Variants in SLC24A2 observed in about 807,000 individuals in gnomAD.
SLC24A2 encodes sodium/potassium/calcium exchanger 2.
Under a neutral mutation model 62.0 loss-of-function variants are expected in SLC24A2, and 36 were observed. That is an observed-to-expected ratio of 0.58 (90% CI 0.44 to 0.77). The LOEUF is 0.77. Among genes scored for constraint, SLC24A2 ranks in the 30% least tolerant of loss-of-function variants. The pLI is 0.00. For missense variants in SLC24A2, 846 were observed against 817.9 expected (o/e 1.03, Z -0.42); for synonymous variants, 358 against 294.0 (o/e 1.22, Z -2.23).
chr9:19,974,768 G>A, the SLC24A2 span, among the ~76,000 whole-genome samples: 5 of 152,184 alleles, frequency 3.3e-5, no homozygotes, highest in African/African-American at 1.2e-4. Flanking sequence ...AGCTCACAGA[G>A]TTATTTAAGC....
intron 8 of SLC24A2, among the ~76,000 whole-genome samples, chr9:19,545,726 C>T (rs1834532042): frequency 6.6e-6 from 1 of 151,870 alleles, no homozygotes; most frequent in Non-Finnish European, 1.5e-5. Flanking sequence ...GCAAGCTCCA[C>T]CTCCTGGGTT....
intron 8 of SLC24A2, among the ~76,000 whole-genome samples, chr9:19,529,786 G>C (rs868605289): frequency 6.0e-5 from 9 of 149,000 alleles, no homozygotes; most frequent in African/African-American, 2.2e-4. Flanking sequence ...AGTCTCACTC[G>C]GTCACCCAGG....
At chr9:19,575,393 A>C (rs531776510) in intron 6 of SLC24A2, among the ~76,000 whole-genome samples, 124 of 152,338 alleles carry the variant, frequency 8.1e-4, no homozygotes, top group Admixed American at 1.5e-3. Context: ...AACACAAAAT[A>C]CTGGGTAAAA....
the SLC24A2 span, among the ~76,000 whole-genome samples, chr9:20,296,781 C>A: frequency 2.6e-5 from 4 of 152,190 alleles, no homozygotes; most frequent in Non-Finnish European, 4.4e-5. Context: ...TAGTGGTATG[C>A]ATTTATAAAT....
chr9:20,247,729 C>T, the SLC24A2 span, among the ~76,000 whole-genome samples: 2 of 152,170 alleles, frequency 1.3e-5, no homozygotes, highest in Non-Finnish European at 2.9e-5. Flanking sequence ...TTTTCACAAT[C>T]AACTGTTTTC....
chr9:19,779,897 A>G (rs1420004935), intron 2 of SLC24A2, among the ~76,000 whole-genome samples: 1 of 151,464 alleles, frequency 6.6e-6, no homozygotes, highest in Non-Finnish European at 1.5e-5. Flanking sequence ...GTCTCTAGTA[A>G]AAAAAGTACA....
chr9:19,874,450 A>G, the SLC24A2 span, among the ~76,000 whole-genome samples: 159 of 152,284 alleles, frequency 1.0e-3, no homozygotes, highest in Non-Finnish European at 1.3e-3. Flanking sequence ...ATTCAAACAA[A>G]ATTAAAAGTA....
At chr9:19,896,403 T>C in the SLC24A2 span, among the ~76,000 whole-genome samples, 3 of 152,232 alleles carry the variant, frequency 2.0e-5, no homozygotes, top group Admixed American at 1.3e-4. Flanking sequence ...GTACAGTGCT[T>C]GAGCTTTGAA....
At chr9:19,519,222 T>C (rs938973598) in intron 10 of SLC24A2, among the ~76,000 whole-genome samples, 1 of 152,158 alleles carries the variant, frequency 6.6e-6, no homozygotes, top group African/African-American at 2.4e-5. Flanking sequence ...AATAAAAGCC[T>C]TCCAAGTAGA....
At chr9:20,036,377 A>T in the SLC24A2 span, among the ~76,000 whole-genome samples, 1 of 152,216 alleles carries the variant, frequency 6.6e-6, no homozygotes, top group East Asian at 1.9e-4. Flanking sequence ...AATGTACAGT[A>T]CTCAATTATT....
At chr9:20,214,508 G>A in the SLC24A2 span, among the ~76,000 whole-genome samples, 1 of 151,934 alleles carries the variant, frequency 6.6e-6, no homozygotes, top group Non-Finnish European at 1.5e-5. Flanking sequence ...CCAGCTACTC[G>A]GGAGGCTGAG....
At chr9:19,573,597 A>G (rs1246311817) in intron 6 of SLC24A2, 128 bp from the exon 7 acceptor site, 45 of 809,242 alleles carry the variant, frequency 5.6e-5, no homozygotes, top group Non-Finnish European at 2.1e-6. Context: ...TATTGAAAAG[A>G]GTTTCCTAAA....
the SLC24A2 span, among the ~76,000 whole-genome samples, chr9:20,304,257 C>T: frequency 6.6e-6 from 1 of 152,122 alleles, no homozygotes; most frequent in Non-Finnish European, 1.5e-5. Context: ...GCCAACCCAC[C>T]CCCAGCCCCC....
At chr9:19,693,073 GTCTA>G (rs1820087804) in intron 2 of SLC24A2, among the ~76,000 whole-genome samples, 2 of 151,976 alleles carry the variant, frequency 1.3e-5, no homozygotes, top group Non-Finnish European at 2.9e-5. Context: ...GTGTTGGTTT[GTCTA>G]TCTTTTATTT....
At chr9:19,667,139 G>C (rs1819277796) in intron 2 of SLC24A2, among the ~76,000 whole-genome samples, 1 of 152,016 alleles carries the variant, frequency 6.6e-6, no homozygotes, top group Admixed American at 6.6e-5. Flanking sequence ...CACATAAAAA[G>C]AGAAAATAAA....
At chr9:20,064,136 A>C in the SLC24A2 span, among the ~76,000 whole-genome samples, 1 of 152,246 alleles carries the variant, frequency 6.6e-6, no homozygotes, top group Non-Finnish European at 1.5e-5. Context: ...ATTTGTCAGC[A>C]ATTGAAAGGA....
chr9:20,267,653 G>C, the SLC24A2 span, among the ~76,000 whole-genome samples: 1 of 152,214 alleles, frequency 6.6e-6, no homozygotes, highest in Non-Finnish European at 1.5e-5. Context: ...GCCCAGCACT[G>C]TGTCTGCCAC....
chr9:20,229,352 C>T, the SLC24A2 span, among the ~76,000 whole-genome samples: 1 of 152,230 alleles, frequency 6.6e-6, no homozygotes, highest in Non-Finnish European at 1.5e-5. Context: ...TGAATATCTA[C>T]CTCATCAGTT....
At chr9:20,106,413 C>G in the SLC24A2 span, among the ~76,000 whole-genome samples, 1 of 152,128 alleles carries the variant, frequency 6.6e-6, no homozygotes, top group Non-Finnish European at 1.5e-5. Context: ...AATTTTAGAC[C>G]AATATCCTTG....
Sources: gnomAD v4.1 joint callset for allele counts (sites outside exome capture counted in the v4.1 genomes callset) on GRCh38, gnomAD v4.1.1 for gene constraint, MANE v1.5 for transcripts, NCBI Gene and HGNC (gene_info 2026-07-23, HGNC 2026-07-21) for gene names.